NOL4L: variants seen among roughly 807,000 people sequenced by gnomAD.
The protein encoded by NOL4L is nucleolar protein 4 like.
NOL4L carries 7 observed loss-of-function variants against 64.5 expected under a neutral mutation model. That is an observed-to-expected ratio of 0.11 (90% CI 0.06 to 0.20). The LOEUF (loss-of-function observed/expected upper bound fraction) is 0.20. Ranked by LOEUF, NOL4L falls within the 10% of genes least tolerant of loss-of-function variation. The pLI is 1.00. For synonymous variants in NOL4L, 413 were observed against 401.0 expected (o/e 1.03, Z -0.36); for missense variants, 680 against 967.1 (o/e 0.70, Z 3.94).
At chr20:32,462,053 G>A (rs2014119503) in intron 5 of NOL4L, among the ~76,000 whole-genome samples, 2 of 152,072 alleles carry the variant, frequency 1.3e-5, no homozygotes. Context: ...GACCAAGCTG[G>A]GCCCGAGGAC....
intron 9 of NOL4L, 100 bp downstream of exon 9, chr20:32,452,784 C>T (rs878872699): frequency 1.3e-5 from 20 of 1,547,630 alleles, no homozygotes; most frequent in South Asian, 6.0e-5. Flanking sequence ...GCCCTTCTCC[C>T]GACTGTACCC....
At position 32,452,429 on chromosome 20, in the gene NOL4L, G is replaced by T. The variant is rs1349322996; in HGVS notation, c.1629C>A (p.Pro543=). The T allele has an allele frequency of 6.3e-7, 1 of 1,597,780 alleles. No homozygotes were observed. The change falls in exon 10 of 11, where the codon CCC becomes CCA. Residue 543 remains proline (P), a synonymous_variant. Coordinates refer to ENST00000621426, the MANE Select transcript of NOL4L (RefSeq NM_001256798.2). Reference sequence around the variant, plus strand: ...GCGAGTGCTGCTTGTCCAGGGCTATGGGCTCATCCTGCAGAGGGGAGAGGG... The same window carrying T: ...GCGAGTGCTGCTTGTCCAGGGCTATTGGCTCATCCTGCAGAGGGGAGAGGG... The part of the protein sequence containing the change: ...LEIYQSSQDE[P]IALDKQHSRD...
rs2013915442 is a variant in NOL4L, at chr20:32,460,207, C to T, written c.842-3812G>A. On this transcript the variant is annotated intron_variant, in intron 5 of 10. Coordinates refer to ENST00000621426, the MANE Select transcript of NOL4L (RefSeq NM_001256798.2). This position sits in a 1 kb window ranked among gnomAD's most constrained non-coding sequence, Gnocchi z 5.7. ...AAATTTTATGTCACACATTTTACCA[C>T]ACACACAGAACCCAGACCAAAAACA... Among the ~76,000 whole-genome samples the T allele has an allele frequency of 6.6e-6, 1 of 152,208 alleles. No homozygotes were observed. The highest frequency in any genetic ancestry group is 2.1e-4 in the South Asian group (1 of 4,834).
intron 3 of NOL4L, among the ~76,000 whole-genome samples, chr20:32,513,987 G>A (rs917796901): frequency 1.3e-5 from 2 of 152,238 alleles, no homozygotes; most frequent in Non-Finnish European, 2.9e-5. Flanking sequence ...TTCCTGCTTG[G>A]CAAGGATAGG....
chr20:32,487,053 G>A (rs1042393106), intron 4 of NOL4L, among the ~76,000 whole-genome samples: 22 of 152,170 alleles, frequency 1.4e-4, no homozygotes, highest in Non-Finnish European at 1.5e-5. Flanking sequence ...TGGATCACCT[G>A]AGGTCAGGGG....
In NOL4L at chr20:32,584,876, C is replaced by T. The variant is rs1403962646; in HGVS notation, c.15G>A (p.Thr5=). Residue 5 remains threonine (T), a synonymous_variant, in exon 1 of 11, where the codon ACG becomes ACA. Transcript: ENST00000621426. MPKP[T]LLLRGGWERE... ...GCTCCCAGCCCCCGCGCAGCAGCAG[C>T]GTCGGCTTCGGCATCCTCCCGCCGC... 1 of 1,327,028 alleles carries T rather than the reference C, an allele frequency of 7.5e-7. No homozygotes were observed. Among genetic ancestry groups the T allele is most frequent in the East Asian group, 3.1e-5 (1 of 31,890 alleles). 82.2% of individuals were successfully genotyped at this position (1,327,028 alleles called of 1,614,324 possible).
At chr20:32,525,309 C>T (rs1297575208) in intron 2 of NOL4L, among the ~76,000 whole-genome samples, 1 of 152,208 alleles carries the variant, frequency 6.6e-6, no homozygotes, top group African/African-American at 2.4e-5. Context: ...CAGCTGGCTC[C>T]AGCCCATCCG....
chr20:32,563,744 G>C (rs772062947), intron 1 of NOL4L, among the ~76,000 whole-genome samples: 21 of 152,138 alleles, frequency 1.4e-4, no homozygotes, highest in Admixed American at 2.6e-4. Context: ...ACTTATGTAA[G>C]GTCACACAGC....
intron 3 of NOL4L, 27 bp downstream of exon 3, chr20:32,520,784 A>T: frequency 7.0e-7 from 1 of 1,427,734 alleles, no homozygotes; most frequent in Non-Finnish European, 9.7e-7. Context: ...CCCCCGCCCT[A>T]GCCCTCCAGC....
intron 1 of NOL4L, among the ~76,000 whole-genome samples, chr20:32,549,526 GT>G (rs2018772099): frequency 6.6e-6 from 1 of 152,162 alleles, no homozygotes. Flanking sequence ...GCCGAGGCAG[GT>G]GGGCAACTTG....
chr20:32,465,335 C>T lies in NOL4L; in HGVS notation c.842-8940G>A, dbSNP rs1433293883. 3.9e-5 allele frequency among the ~76,000 whole-genome samples: 6 copies of T among 152,322 alleles called. No homozygotes were observed. The South Asian group carries it at 8.3e-4, about 21-fold the overall frequency. The stretch of plus-strand genomic sequence containing the variant: ...ACAGGCCCCAAAGCACCACCCAGGC[C>T]GCCCAGTGCTCTCAGACATTCTGGG... On this transcript the variant is annotated intron_variant, in intron 5 of 10. Coordinates refer to ENST00000621426, the MANE Select transcript of NOL4L (RefSeq NM_001256798.2).
At chr20:32,456,480 C>A in intron 5 of NOL4L, 85 bp from the exon 6 acceptor site, 1 of 1,294,168 alleles carries the variant, frequency 7.7e-7, no homozygotes, top group East Asian at 3.0e-5. Flanking sequence ...CCTGTGTCCT[C>A]CTCATGAGTG....
intron 5 of NOL4L, chr20:32,465,242 C>A (rs1258995022): frequency 2.4e-6 from 1 of 424,010 alleles, no homozygotes; most frequent in East Asian, 3.6e-5. Context: ...CAGCAGACAT[C>A]AGGGAGGAAC....
chr20:32,490,128 CAA>C (rs747449024), intron 4 of NOL4L, among the ~76,000 whole-genome samples: 831 of 69,080 alleles, frequency 0.012, 13 homozygotes, highest in Middle Eastern at 0.037. Context: ...GACTCCATCT[CAA>C]AAAAAAAAAA....
At chr20:32,550,603 C>T (rs547850830) in intron 1 of NOL4L, among the ~76,000 whole-genome samples, 12 of 152,188 alleles carry the variant, frequency 7.9e-5, no homozygotes, top group South Asian at 4.2e-4. Context: ...AAAAAGTGGC[C>T]GGGCGCAGTG....
At chr20:32,488,728 C>CTTTCT (rs1471356739) in intron 4 of NOL4L, among the ~76,000 whole-genome samples, 1 of 151,374 alleles carries the variant, frequency 6.6e-6, no homozygotes, top group Non-Finnish European at 1.5e-5. Context: ...CTTTTTCTTT[C>CTTTCT]TTTCTTTTCT....
At chr20:32,541,665 C>G (rs1600858909) in intron 1 of NOL4L, among the ~76,000 whole-genome samples, 1 of 152,230 alleles carries the variant, frequency 6.6e-6, no homozygotes, top group Non-Finnish European at 1.5e-5. Context: ...CACAAACTGG[C>G]CTTTGTTCCT....
chr20:32,476,188 C>G (rs868725395), intron 4 of NOL4L, among the ~76,000 whole-genome samples: 14 of 133,784 alleles, frequency 1.0e-4, no homozygotes, highest in East Asian at 4.5e-4. Context: ...CTCGCTCACA[C>G]ACCCGGAGGG....
intron 3 of NOL4L, 37 bp downstream of exon 3, chr20:32,520,774 C>G (rs374496229): frequency 7.5e-7 from 1 of 1,340,000 alleles, no homozygotes; most frequent in African/African-American, 1.5e-5. Flanking sequence ...TCTTAGATGG[C>G]CCCCGCCCTA....
Sources: gnomAD v4.1 joint callset for allele counts (sites outside exome capture counted in the v4.1 genomes callset) on GRCh38, gnomAD v4.1.1 for gene constraint, Gnocchi (gnomAD v3.1) non-coding constraint, MANE v1.5 for transcripts, NCBI Gene and HGNC (gene_info 2026-07-23, HGNC 2026-07-21) for gene names.